ARHGAP22: variants seen among roughly 807,000 people sequenced by gnomAD.
ARHGAP22 encodes Rho GTPase activating protein 22.
A neutral mutation model predicts 59.1 loss-of-function variants in ARHGAP22; 48 were observed. That is an observed-to-expected ratio of 0.81 (90% confidence interval 0.64 to 1.03). ARHGAP22 has a LOEUF of 1.03. Ranked by LOEUF, ARHGAP22 falls within the 50% of genes least tolerant of loss-of-function variation. The pLI, the probability that ARHGAP22 is intolerant of heterozygous loss-of-function variation, is 0.00. For missense variants in ARHGAP22, 1,015 were observed against 958.7 expected (o/e 1.06, Z -0.78); for synonymous variants, 445 against 416.4 (o/e 1.07, Z -0.84).
chr10:48,593,684 T>G (rs1300790788), intron 1 of ARHGAP22, among the ~76,000 whole-genome samples: 1 of 152,280 alleles, frequency 6.6e-6, no homozygotes, highest in Non-Finnish European at 1.5e-5. Flanking sequence ...GACACCACGC[T>G]ACTCAGAACA....
intron 1 of ARHGAP22, among the ~76,000 whole-genome samples, chr10:48,629,063 G>A (rs1215099318): frequency 3.8e-4 from 58 of 152,176 alleles, no homozygotes; most frequent in Non-Finnish European, 2.9e-5. Flanking sequence ...GCTCTGTTGT[G>A]CTTCCCAGAT....
intron 3 of ARHGAP22, among the ~76,000 whole-genome samples, chr10:48,512,617 C>A (rs1055335042): frequency 1.3e-5 from 2 of 152,168 alleles, no homozygotes; most frequent in African/African-American, 4.8e-5. Context: ...CACACAGAGG[C>A]CAATTTAACT....
At chr10:48,640,028 A>T (rs2061980354) in intron 1 of ARHGAP22, among the ~76,000 whole-genome samples, 1 of 152,222 alleles carries the variant, frequency 6.6e-6, no homozygotes, top group Admixed American at 6.5e-5. Context: ...GATAGAAAAT[A>T]TTTAAAACCA....
At chr10:48,497,579 T>G (rs549932578) in intron 3 of ARHGAP22, among the ~76,000 whole-genome samples, 1 of 152,148 alleles carries the variant, frequency 6.6e-6, no homozygotes. Context: ...TGTGCTGCAG[T>G]ACAAGCTGAG....
intron 1 of ARHGAP22, among the ~76,000 whole-genome samples, chr10:48,637,416 TGGGTGGGTGGATGGAC>T (rs2136131577): frequency 6.9e-6 from 1 of 145,878 alleles, no homozygotes; most frequent in East Asian, 2.2e-4. Context: ...AGTGGGTGGA[TGGGTGGGTGGATGGAC>T]GGGTGGGTGA....
In ARHGAP22 at chr10:48,605,030, A is replaced by G. The variant is rs926573697; in HGVS notation, c.-234T>C. The G allele has an allele frequency of 4.2e-6, 6 of 1,430,172 alleles. No individual in the cohort carries two copies. The highest frequency in any genetic ancestry group is 1.4e-5 in the African/African-American group (1 of 69,602). The allele number at this position is 1,430,172 out of a possible 1,614,324, so 88.6% of individuals were successfully genotyped here. A position where few individuals can be genotyped will look rare whatever the true frequency, so the allele number is the denominator to read the frequency against. ...TCCATCCCAGAATTAATTCCCATCC[A>G]AGCGGACCATTAAAGCCTCAGTAAT... On this transcript the variant is annotated 5_prime_UTR_variant, in exon 1 of 10. Coordinates refer to ENST00000249601, the MANE Select transcript of ARHGAP22 (RefSeq NM_021226.4).
Position 48,450,608 on chromosome 10 carries a change from C to T in ARHGAP22, c.1521G>A (p.Val507=), listed in dbSNP as rs1173882800. 1.9e-6 allele frequency: 3 copies of T among 1,548,140 alleles called. No homozygotes were observed. The highest frequency in any genetic ancestry group is 2.4e-5 in the East Asian group (1 of 40,926). Residue 507 remains valine (V), a synonymous_variant, in exon 9 of 10, where the codon GTG becomes GTA. Transcript: ENST00000249601. ...AGGCCCCGGACCACGCCATACTGGC[C>T]ACGCTGGGTATGCCGGGGACCAGGC... ...APGLVPGIPS[V]ASMAWSGASS... is the part of the protein sequence containing the mutation.
intron 2 of ARHGAP22, among the ~76,000 whole-genome samples, chr10:48,570,349 C>G (rs920291218): frequency 1.3e-5 from 2 of 152,202 alleles, no homozygotes; most frequent in Non-Finnish European, 2.9e-5. Flanking sequence ...AGTTGTCCCC[C>G]AGGACATTTT....
chr10:48,636,163 T>C (rs1052540167), intron 1 of ARHGAP22, among the ~76,000 whole-genome samples: 1 of 151,490 alleles, frequency 6.6e-6, no homozygotes, highest in South Asian at 2.1e-4. Flanking sequence ...GGCTTGGGGG[T>C]TAAGGGGTTA....
At chr10:48,612,233 A>G (rs1312565925) in intron 1 of ARHGAP22, among the ~76,000 whole-genome samples, 2 of 151,882 alleles carry the variant, frequency 1.3e-5, no homozygotes, top group Non-Finnish European at 2.9e-5. Context: ...TGCTCTCAAG[A>G]TTATGCCTCC....
At chr10:48,527,996 A>G (rs567143555) in intron 3 of ARHGAP22, among the ~76,000 whole-genome samples, 1 of 152,310 alleles carries the variant, frequency 6.6e-6, no homozygotes, top group South Asian at 2.1e-4. Flanking sequence ...CAAAGTTTCT[A>G]TGGGATAGAG....
chr10:48,505,110 G>A lies in ARHGAP22; in HGVS notation c.323-25346C>T, dbSNP rs2051960183. ...GCTCTATTGCCCAGGCTGGCATGCA[G>A]TGGCACAATCTCGGCTCACTCCAAC... On this transcript the variant is annotated intron_variant, in intron 3 of 9. Transcript: ENST00000249601. Among the ~76,000 whole-genome samples the A allele has an allele frequency of 3.9e-5, 6 of 152,176 alleles. No homozygotes were observed. In the South Asian group the frequency reaches 1.2e-3, roughly 32 times the overall value.
intron 1 of ARHGAP22, among the ~76,000 whole-genome samples, chr10:48,610,691 A>G (rs2060849612): frequency 6.6e-6 from 1 of 152,184 alleles, no homozygotes. Context: ...GGAGGAAGGT[A>G]TCAGAGCACA....
At chr10:48,500,621 T>G (rs2051410684) in intron 3 of ARHGAP22, among the ~76,000 whole-genome samples, 1 of 151,872 alleles carries the variant, frequency 6.6e-6, no homozygotes, top group Non-Finnish European at 1.5e-5. Flanking sequence ...GGCGCCGTAG[T>G]TCACACCTGT....
intron 1 of ARHGAP22, chr10:48,624,512 C>T (rs2061382728): frequency 6.6e-6 from 1 of 152,236 alleles, no homozygotes; most frequent in Non-Finnish European, 1.5e-5. Context: ...GTAGGCTTTA[C>T]ACTCCTGGTC....
chr10:48,447,839 C>A (rs1297835330), intron 9 of ARHGAP22, among the ~76,000 whole-genome samples: 1 of 152,216 alleles, frequency 6.6e-6, no homozygotes, highest in Non-Finnish European at 1.5e-5. Context: ...TGATGTCCTC[C>A]CCTAAGTCCA....
At chr10:48,559,185 CAGAA>C (rs1299398095) in intron 2 of ARHGAP22, among the ~76,000 whole-genome samples, 1 of 152,204 alleles carries the variant, frequency 6.6e-6, no homozygotes, top group African/African-American at 2.4e-5. Flanking sequence ...GTTTGTATCT[CAGAA>C]GGAACCAGGC....
chr10:48,613,070 C>G (rs1019895345), intron 1 of ARHGAP22, among the ~76,000 whole-genome samples: 3 of 152,216 alleles, frequency 2.0e-5, no homozygotes, highest in African/African-American at 7.2e-5. Flanking sequence ...TTGTCCTCAT[C>G]TGTTTCAAAA....
chr10:48,534,115 G>A (rs1440933611), intron 3 of ARHGAP22, among the ~76,000 whole-genome samples: 1 of 152,240 alleles, frequency 6.6e-6, no homozygotes, highest in Admixed American at 6.5e-5. Context: ...AGAAGTGCCG[G>A]CCAGCCAGGT....
Sources: gnomAD v4.1 joint callset for allele counts (sites outside exome capture counted in the v4.1 genomes callset) on GRCh38, gnomAD v4.1.1 for gene constraint, MANE v1.5 for transcripts, NCBI Gene and HGNC (gene_info 2026-07-23, HGNC 2026-07-21) for gene names.